TNFRSF14: variants seen among roughly 807,000 people sequenced by gnomAD.
TNFRSF14 encodes the protein TNF receptor superfamily member 14.
TNFRSF14 carries 18 observed loss-of-function variants against 34.1 expected under a neutral mutation model. That is an observed-to-expected ratio of 0.53 (90% CI 0.36 to 0.78). TNFRSF14 has a LOEUF of 0.78. TNFRSF14 is among the 30% of genes least tolerant of loss of function. The pLI, the probability that TNFRSF14 is intolerant of heterozygous loss-of-function variation, is 0.00. For synonymous variants in TNFRSF14, 157 were observed against 153.2 expected (o/e 1.02, Z -0.18); for missense variants, 352 against 379.5 (o/e 0.93, Z 0.60).
Position 2,561,384 on chromosome 1 carries a change from A to G in TNFRSF14, c.552-289A>G. 9.0e-7 allele frequency: 1 copy of G among 1,105,366 alleles called. No individual in the cohort carries two copies. The highest frequency in any genetic ancestry group is 1.6e-5 in the South Asian group (1 of 61,690). The allele number at this position is 1,105,366 out of a possible 1,614,324, so 68.5% of individuals were successfully genotyped here. A position where few individuals can be genotyped will look rare whatever the true frequency, so the allele number is the denominator to read the frequency against. The stretch of plus-strand genomic sequence containing the variant: ...GTCTCCCGTGCTCTGGGGTCTCTGC[A>G]CTGCTGGCTGCCTCCCGCTTCTCTC... On this transcript the variant is annotated intron_variant, in intron 5 of 7. Transcript: ENST00000355716. This position sits in a 1 kb window ranked among gnomAD's most constrained non-coding sequence, Gnocchi z 6.0.
intron 2 of TNFRSF14, 34 bp from the exon 3 acceptor site, chr1:2,558,309 C>A: frequency 1.3e-6 from 2 of 1,581,008 alleles, no homozygotes; most frequent in Non-Finnish European, 8.6e-7. Context: ...GGGCCTCCCG[C>A]AGACTTGCGA....
chr1:2,560,913 C>G (rs1220823045), intron 5 of TNFRSF14, 199 bp downstream of exon 5: 7 of 589,506 alleles, frequency 1.2e-5, no homozygotes, highest in Non-Finnish European at 3.1e-6. Context: ...TGGGCCCAGA[C>G]AAAGCCTCAT....
chr1:2,560,567 C>G (rs754073210), intron 4 of TNFRSF14, 57 bp from the exon 5 acceptor site: 2 of 1,404,010 alleles, frequency 1.4e-6, no homozygotes, highest in Non-Finnish European at 2.0e-6. Context: ...TCCCTAGCCG[C>G]CAGCCCCCTC....
At position 2,559,859 on chromosome 1, in the gene TNFRSF14, C is replaced by T. The variant is rs1279627963; in HGVS notation, c.341C>T (p.Thr114Ile). The change falls in exon 4 of 8, where the codon ACA (threonine) becomes ATA (isoleucine). Residue 114 changes from threonine to isoleucine, a missense_variant. Physicochemically the swap from Thr to Ile is moderately conservative, Grantham distance 89 (BLOSUM62 -1). Transcript: ENST00000355716. ...GLRASRNCSR[T>I]ENAVCGCSPG... is the part of the protein sequence containing the mutation. ...CGCGCGAGCCGGAACTGCTCCAGGA[C>T]AGAGAACGCCGTGTGTGGCTGCAGC... 3.1e-6 allele frequency: 5 copies of T among 1,607,626 alleles called. No individual in the cohort carries two copies. Among genetic ancestry groups the T allele is most frequent in the Non-Finnish European group, 4.2e-6 (5 of 1,177,716 alleles).
At chr1:2,560,564 C>G in intron 4 of TNFRSF14, 60 bp from the exon 5 acceptor site, 1 of 1,346,218 alleles carries the variant, frequency 7.4e-7, no homozygotes, top group Non-Finnish European at 1.0e-6. Context: ...CAGTCCCTAG[C>G]CGCCAGCCCC....
At chr1:2,559,493 G>C in intron 3 of TNFRSF14, 1 of 1,463,016 alleles carries the variant, frequency 6.8e-7, no homozygotes, top group African/African-American at 1.4e-5. Flanking sequence ...GTGGGGCGAG[G>C]ACCTGCCTGC....
chr1:2,560,725 C>A lies in TNFRSF14; in HGVS notation c.551+11C>A, dbSNP rs775267819. 3.1e-6 allele frequency: 5 copies of A among 1,612,156 alleles called. No individual in the cohort carries two copies. Among genetic ancestry groups the A allele is most frequent in the South Asian group, 2.2e-5 (2 of 91,028 alleles). ...TCAGCACCAGACCAAGTAAGTGAAC[C>A]CGGGGGAGGCCCAGCTCTGTGCCCT... On this transcript the variant is annotated intron_variant, in intron 5 of 7. Transcript: ENST00000355716.
At chr1:2,559,393 G>T in intron 3 of TNFRSF14, 1 of 1,381,674 alleles carries the variant, frequency 7.2e-7, no homozygotes. Flanking sequence ...TGAAGAAGTG[G>T]GGCTCTCACC....
Position 2,556,397 on chromosome 1 carries a change from C to A in TNFRSF14, c.-268C>A. 1.5e-6 allele frequency: 1 copy of A among 680,544 alleles called. No homozygotes were observed. Among genetic ancestry groups the A allele is most frequent in the Non-Finnish European group, 2.7e-6 (1 of 371,222 alleles). 42.2% of individuals were successfully genotyped at this position (680,544 alleles called of 1,614,324 possible). A position where few individuals can be genotyped will look rare whatever the true frequency, so the allele number is the denominator to read the frequency against. ...TACCGGCCCTTCCCCTCGGCTTTGCCTGGACAGCTCCTGCCTCCCGCAGGG... is the reference window on the plus strand; with the variant it reads ...TACCGGCCCTTCCCCTCGGCTTTGCATGGACAGCTCCTGCCTCCCGCAGGG... On this transcript the variant is annotated 5_prime_UTR_variant, in exon 1 of 8. It adds an upstream start codon to the 5' untranslated region. Coordinates refer to ENST00000355716, the MANE Select transcript of TNFRSF14 (RefSeq NM_003820.4).
rs1182835352 is a variant in TNFRSF14 at position 2,557,750 on chromosome 1, G to C, written c.94G>C (p.Ala32Pro). ...RLVLYLTFLG[A>P]PCYAPALPSC... is the part of the protein sequence containing the mutation. ...GGTGCTGTATCTCACCTTCCTGGGAGCCCCCTGCTACGCCCCAGCTCTGCC... is the reference window on the plus strand; with the variant it reads ...GGTGCTGTATCTCACCTTCCTGGGACCCCCCTGCTACGCCCCAGCTCTGCC... Residue 32 changes from alanine (A) to proline (P), a missense_variant, in exon 2 of 8, where the codon GCC (alanine) becomes CCC (proline). Physicochemically the swap from Ala to Pro is conservative, Grantham distance 27. Coordinates refer to ENST00000355716, the MANE Select transcript of TNFRSF14 (RefSeq NM_003820.4). 2 of 1,610,250 alleles carry C rather than the reference G, an allele frequency of 1.2e-6. No individual in the cohort carries two copies. The highest frequency in any genetic ancestry group is 1.3e-5 in the African/African-American group (1 of 74,860).
chr1:2,559,687 C>T (rs1383016007), intron 3 of TNFRSF14, 136 bp from the exon 4 acceptor site: 1 of 1,535,636 alleles, frequency 6.5e-7, no homozygotes, highest in African/African-American at 1.4e-5. Flanking sequence ...CCTCTGGGCA[C>T]CTCGTTTGGC....
Position 2,561,642 on chromosome 1 carries a change from C to G in TNFRSF14, c.552-31C>G, listed in dbSNP as rs1644309994. ...AGTGAACACTGGGCGCTGCACCTGC[C>G]TCTCCCACGTCCTCGGCCCCACTCC... On this transcript the variant is annotated intron_variant, in intron 5 of 7. Transcript: ENST00000355716. The surrounding 1 kb of genome is among the most constrained non-coding windows in gnomAD (Gnocchi z 6.0). 1.2e-6 allele frequency: 2 copies of G among 1,611,618 alleles called. No individual in the cohort carries two copies. Among genetic ancestry groups the G allele is most frequent in the African/African-American group, 1.3e-5 (1 of 74,844 alleles).
At position 2,563,563 on chromosome 1, in the gene TNFRSF14, C is replaced by A. The variant is rs1314082568; in HGVS notation, c.*290C>A. On this transcript the variant is annotated 3_prime_UTR_variant, in exon 8 of 8. Coordinates refer to ENST00000355716, the MANE Select transcript of TNFRSF14 (RefSeq NM_003820.4). The stretch of plus-strand genomic sequence containing the variant: ...TTGCCCCTCGCTCACAGACCACACA[C>A]CCAGCCCTCCTGGGCCAGCCCAGAG... 7.2e-6 allele frequency: 3 copies of A among 416,460 alleles called. No individual in the cohort carries two copies. The highest frequency in any genetic ancestry group is 4.1e-5 in the South Asian group (1 of 24,430). 25.8% of individuals were successfully genotyped at this position (416,460 alleles called of 1,614,324 possible). A position where few individuals can be genotyped will look rare whatever the true frequency, so the allele number is the denominator to read the frequency against.
intron 1 of TNFRSF14, 27 bp downstream of exon 1, chr1:2,556,760 T>C: frequency 6.4e-7 from 1 of 1,568,538 alleles, no homozygotes. Flanking sequence ...CCTCTCCGTC[T>C]GCTCGCAGAT....
chr1:2,558,583 C>T, intron 3 of TNFRSF14, 115 bp downstream of exon 3: 1 of 1,556,524 alleles, frequency 6.4e-7, no homozygotes, highest in Non-Finnish European at 8.6e-7. Context: ...TGCCCCAGGC[C>T]AGGTCCCAAC....
chr1:2,563,034 G>A, intron 7 of TNFRSF14, 114 bp from the exon 8 acceptor site: 1 of 1,575,862 alleles, frequency 6.3e-7, no homozygotes, highest in Non-Finnish European at 8.6e-7. Context: ...TACAGCCACG[G>A]TAGCTCAGGA....
At position 2,560,619 on chromosome 1, in the gene TNFRSF14, C is replaced by T. The variant is rs1276463882; in HGVS notation, c.461-5C>T. ...AGCCCCCTCTGTCCGTCCCTCTCTT[C>T]TCAGGCACCGAGAGTCAGGACACCC... On this transcript the variant is annotated splice_polypyrimidine_tract_variant and splice_region_variant and intron_variant, in intron 4 of 7. Coordinates refer to ENST00000355716, the MANE Select transcript of TNFRSF14 (RefSeq NM_003820.4). 1 of 1,612,404 alleles carries T rather than the reference C, an allele frequency of 6.2e-7. No homozygotes were observed. The highest frequency in any genetic ancestry group is 2.2e-5 in the East Asian group (1 of 44,872).
chr1:2,558,924 G>A (rs1178199353), intron 3 of TNFRSF14: 1 of 1,364,438 alleles, frequency 7.3e-7, no homozygotes, highest in Non-Finnish European at 9.7e-7. Context: ...GTCACCTGGA[G>A]GCTGGTGCCC....
At position 2,560,657 on chromosome 1, in the gene TNFRSF14, G is replaced by GC. The variant is rs772088410; in HGVS notation, c.500dup (p.Thr169AspfsTer65). On this transcript the variant is annotated frameshift_variant, in exon 5 of 8. Transcript: ENST00000355716. LOFTEE classifies it high-confidence loss of function. Reference sequence around the variant, plus strand: ...AGTCAGGACACCCTGTGTCAGAACTGCCCCCCGGGGACCTTCTCTCCCAAT... The same window carrying GC: ...AGTCAGGACACCCTGTGTCAGAACTGCCCCCCCGGGGACCTTCTCTCCCAAT... 4 of 1,613,208 alleles carry GC rather than the reference G, an allele frequency of 2.5e-6. No individual in the cohort carries two copies. In the African/African-American group the frequency reaches 4.0e-5, roughly 16 times the overall value.
Sources: gnomAD v4.1 joint callset for allele counts on GRCh38, gnomAD v4.1.1 for gene constraint, Gnocchi (gnomAD v3.1) non-coding constraint, MANE v1.5 for transcripts, NCBI Gene and HGNC (gene_info 2026-07-23, HGNC 2026-07-21) for gene names.